Variants in EGFL6 observed in about 807,000 individuals in gnomAD.
EGFL6 encodes the protein epidermal growth factor-like protein 6.
EGFL6 carries 42 observed loss-of-function variants against 43.1 expected under a neutral mutation model. The observed-to-expected ratio is 0.98, with a 90% CI of 0.76 to 1.26. EGFL6 has a LOEUF of 1.26. EGFL6 is among the 50% of genes most tolerant of loss of function. EGFL6 has a pLI of 0.00. For missense variants in EGFL6, 429 were observed against 427.8 expected, an observed-to-expected ratio of 1.00 and a Z score of -0.02; for synonymous variants, 164 against 163.2, an observed-to-expected ratio of 1.01 and a Z score of -0.04.
chrX:13,606,313 G>A (rs1438498295), intron 5 of EGFL6, 66 bp from the exon 6 acceptor site: 7 of 1,117,621 alleles, frequency 6.3e-6, no homozygotes, highest in Non-Finnish European at 7.3e-6. Context: ...CTGTGAGTGT[G>A]CGTGCGTGCA....
chrX:13,613,303 A>G (rs193275666), intron 7 of EGFL6, among the ~76,000 whole-genome samples: 44 of 109,715 alleles, frequency 4.0e-4, no homozygotes, highest in Non-Finnish European at 6.2e-4. Flanking sequence ...ACCTAAAGGA[A>G]GAAGCACCCT....
intron 9 of EGFL6, among the ~76,000 whole-genome samples, chrX:13,619,506 G>A (rs1211815408): frequency 1.8e-5 from 2 of 111,534 alleles, no homozygotes; most frequent in East Asian, 2.8e-4. Context: ...GAAGCAGACT[G>A]TATATATGGA....
intron 6 of EGFL6, among the ~76,000 whole-genome samples, chrX:13,607,572 C>G (rs1185077379): frequency 9.0e-6 from 1 of 111,688 alleles, no homozygotes; most frequent in Admixed American, 9.5e-5. Context: ...TCCTATGATG[C>G]TGTGTTACAG....
In EGFL6 at chrX:13,615,662, C is replaced by A. The variant is rs774368148; in HGVS notation, c.779-2068C>A. ...TGTTGGTTTTCTACCTATAGTCAGG[C>A]TGTCACAATGATAAATAACTAGAAT... On this transcript the variant is annotated intron_variant, in intron 7 of 11. Transcript: ENST00000361306. Among the ~76,000 whole-genome samples the A allele has an allele frequency of 1.9e-3, 209 of 112,352 alleles. 1 individual carries two copies. Among genetic ancestry groups the A allele is most frequent in the African/African-American group, 6.3e-3 (196 of 30,953 alleles).
Position 13,606,374 on chromosome X carries a change from C to T in EGFL6, c.521-5C>T. 8.3e-7 allele frequency: 1 copy of T among 1,208,610 alleles called. No individual in the cohort carries two copies. The highest frequency in any genetic ancestry group is 1.1e-6 in the Non-Finnish European group (1 of 893,883). ...CACTGACACCTTCTGGTTTTTACAC[C>T]CTAGATATTGATGAATGTGCCTCTG... On this transcript the variant is annotated splice_polypyrimidine_tract_variant and splice_region_variant and intron_variant, in intron 5 of 11. Transcript: ENST00000361306.
chrX:13,601,700 T>A (rs948966195), intron 4 of EGFL6, among the ~76,000 whole-genome samples: 5 of 111,987 alleles, frequency 4.5e-5, no homozygotes, highest in Non-Finnish European at 7.5e-5. Context: ...AGGGCCTTTT[T>A]AAAAAATCCT....
chrX:13,629,193 T>C (rs967970408), intron 11 of EGFL6, among the ~76,000 whole-genome samples: 3 of 112,205 alleles, frequency 2.7e-5, no homozygotes, highest in African/African-American at 9.7e-5. Context: ...TACATTTAAA[T>C]CAATACAAAT....
intron 11 of EGFL6, among the ~76,000 whole-genome samples, chrX:13,632,021 AGTTT>A (rs1352217836): frequency 1.8e-5 from 2 of 111,046 alleles, no homozygotes; most frequent in South Asian, 3.7e-4. Flanking sequence ...ACTATAAAGA[AGTTT>A]GTTTCTCTTT....
chrX:13,613,128 G>T (rs377349255), intron 7 of EGFL6, among the ~76,000 whole-genome samples: 2 of 98,122 alleles, frequency 2.0e-5, no homozygotes, highest in African/African-American at 8.4e-5. Flanking sequence ...CTGGGCGACC[G>T]AGCGAGACTT....
rs759054365 is a variant in EGFL6 at position 13,599,238 on chromosome X, G to T, written c.281-737G>T. 4.5e-5 allele frequency among the ~76,000 whole-genome samples: 5 copies of T among 110,989 alleles called. No individual in the cohort carries two copies. In the South Asian group the frequency reaches 1.9e-3, roughly 42 times the overall value. ...GTTCAAGTAGTATACACATAGAATT[G>T]TGCATATATAAAAAATGTATGGCTC... On this transcript the variant is annotated intron_variant, in intron 3 of 11. Coordinates refer to ENST00000361306, the MANE Select transcript of EGFL6 (RefSeq NM_015507.4).
In EGFL6 at chrX:13,589,571, G is replaced by T. The variant is rs1447666946; in HGVS notation, c.90G>T (p.Gly30=). 1 of 1,210,247 alleles carries T rather than the reference G, an allele frequency of 8.3e-7. No individual in the cohort carries two copies. The change falls in exon 2 of 12, where the codon GGG becomes GGT. Residue 30 remains glycine, a synonymous_variant. Transcript: ENST00000361306. ...FGNAASARHH[G]LLASARQPGV... ...TTATCTGCAGTGCAAGGCATCACGG[G>T]TTGTTAGCATCGGCACGTCAGCCTG...
intron 11 of EGFL6, among the ~76,000 whole-genome samples, chrX:13,632,479 T>G (rs1444705632): frequency 9.2e-6 from 1 of 108,500 alleles, no homozygotes; most frequent in East Asian, 2.9e-4. Flanking sequence ...TTTGTTTGTA[T>G]TTTTAGTAGA....
chrX:13,597,671 C>G (rs2146970028), intron 3 of EGFL6, among the ~76,000 whole-genome samples: 1 of 111,338 alleles, frequency 9.0e-6, no homozygotes, highest in East Asian at 2.8e-4. Context: ...GTAATCCTAG[C>G]TACTCGGGAG....
chrX:13,612,038 C>CT lies in EGFL6; in HGVS notation c.778+3603dup, dbSNP rs760314429. ...AAAGAAGGATGCCTCAAAATCCACT[C>CT]TTTTTTTTTTTAAATTTTTTTAGTA... On this transcript the variant is annotated intron_variant, in intron 7 of 11. Coordinates refer to ENST00000361306, the MANE Select transcript of EGFL6 (RefSeq NM_015507.4). 3.7e-3 allele frequency among the ~76,000 whole-genome samples: 385 copies of CT among 104,869 alleles called. 1 individual carries two copies. Among genetic ancestry groups the CT allele is most frequent in the African/African-American group, 0.012 (353 of 28,959 alleles). The allele number at this position is 104,869 out of a possible 115,157, so 91.1% of individuals were successfully genotyped here.
chrX:13,585,931 C>T (rs73633573), intron 1 of EGFL6, among the ~76,000 whole-genome samples: 1,379 of 111,735 alleles, frequency 0.012, 21 homozygotes, highest in African/African-American at 0.042. Flanking sequence ...AGTACTTTGT[C>T]AAGGTTTCTC....
Position 13,613,157 on chromosome X carries a change from C to CATATATATATAT in EGFL6, c.779-4562_779-4551dup, listed in dbSNP as rs35293457. On this transcript the variant is annotated intron_variant, in intron 7 of 11. Transcript: ENST00000361306. ...GAGACTTCATCTCCATAAATATATACATATATATATATATATATATATGTC... is the reference window on the plus strand; with the variant it reads ...GAGACTTCATCTCCATAAATATATACATATATATATATATATATATATATATATATATATGTC... Among the ~76,000 whole-genome samples the CATATATATATAT allele has an allele frequency of 3.2e-3, 283 of 89,396 alleles. 6 individuals carry two copies. Among genetic ancestry groups the CATATATATATAT allele is most frequent in the African/African-American group, 0.012 (262 of 21,848 alleles). 77.6% of individuals were successfully genotyped at this position (89,396 alleles called of 115,157 possible).
At chrX:13,607,307 T>C (rs2045665974) in intron 6 of EGFL6, among the ~76,000 whole-genome samples, 1 of 111,272 alleles carries the variant, frequency 9.0e-6, no homozygotes, top group South Asian at 3.9e-4. Flanking sequence ...CAAAGCTATA[T>C]GCATGACATG....
At chrX:13,601,633 A>T (rs918368914) in intron 4 of EGFL6, among the ~76,000 whole-genome samples, 6 of 112,001 alleles carry the variant, frequency 5.4e-5, no homozygotes, top group Non-Finnish European at 9.4e-5. Context: ...GTGTCCCAAC[A>T]CCACCAGTCA....
intron 1 of EGFL6, among the ~76,000 whole-genome samples, chrX:13,577,325 TATATATATATATATATACATAC>T (rs1368378986): frequency 7.4e-3 from 128 of 17,212 alleles, no homozygotes; most frequent in African/African-American, 0.018. Context: ...TATATATATA[TATATATATATATATATACATAC>T]ACACACACAC....
Sources: allele counts gnomAD v4.1 joint callset (sites outside exome capture counted in the v4.1 genomes callset), GRCh38; gene constraint gnomAD v4.1.1; transcripts MANE v1.5; gene names NCBI Gene and HGNC (gene_info 2026-07-23, HGNC 2026-07-21).